ITCH: variants seen among roughly 807,000 people sequenced by gnomAD.
ITCH encodes itchy E3 ubiquitin protein ligase, also known as E3 ubiquitin-protein ligase Itchy homolog.
In ITCH, 28 loss-of-function variants were observed where a neutral mutation model predicts 126.8. The ratio of observed to expected loss-of-function variants is 0.22; its 90% CI spans 0.16 to 0.30. The LOEUF is 0.30. Among genes scored for constraint, ITCH ranks in the 10% least tolerant of loss-of-function variants. ITCH has a pLI of 1.00. For missense variants in ITCH, 631 were observed against 1,032.4 expected (o/e 0.61, Z 5.33); for synonymous variants, 342 against 340.0 (o/e 1.01, Z -0.06).
chr20:34,404,509 T>G (rs907452615), intron 3 of ITCH, among the ~76,000 whole-genome samples: 9 of 147,808 alleles, frequency 6.1e-5, no homozygotes, highest in Non-Finnish European at 1.3e-4. Flanking sequence ...AACCTCTGCC[T>G]CCCGGGTTGC....
At chr20:34,475,756 A>G (rs191562379) in intron 16 of ITCH, among the ~76,000 whole-genome samples, 12 of 152,154 alleles carry the variant, frequency 7.9e-5, no homozygotes, top group African/African-American at 2.7e-4. Context: ...GCAGAGGCAG[A>G]GCTGCATACT....
intron 14 of ITCH, 114 bp downstream of exon 14, chr20:34,462,335 C>T (rs1403860426): frequency 7.4e-6 from 8 of 1,075,624 alleles, no homozygotes; most frequent in Non-Finnish European, 1.1e-5. Context: ...GTTAGCTTGA[C>T]AATAGGTTTC....
At chr20:34,496,333 G>A (rs989520964) in intron 23 of ITCH, among the ~76,000 whole-genome samples, 4 of 152,006 alleles carry the variant, frequency 2.6e-5, no homozygotes, top group Admixed American at 1.3e-4. Context: ...TTGAGTTCTT[G>A]TATATTCTGG....
chr20:34,487,327 C>T (rs899112721), intron 20 of ITCH, among the ~76,000 whole-genome samples: 2 of 152,044 alleles, frequency 1.3e-5, no homozygotes, highest in Admixed American at 6.6e-5. Flanking sequence ...TTATTTTTAT[C>T]CTGATAATCT....
chr20:34,379,756 G>A (rs370473850), intron 2 of ITCH, among the ~76,000 whole-genome samples: 11 of 150,264 alleles, frequency 7.3e-5, no homozygotes, highest in African/African-American at 2.5e-4. Context: ...CACCACTCCC[G>A]GCTAATTTCT....
In ITCH at chr20:34,433,159, A is replaced by G. The variant is rs193255564; in HGVS notation, c.522-5315A>G. 7.7e-3 allele frequency among the ~76,000 whole-genome samples: 1,168 copies of G among 152,056 alleles called. 12 individuals are homozygous for G. Among genetic ancestry groups the G allele is most frequent in the Non-Finnish European group, 0.013 (888 of 67,944 alleles). ...ACAAAAATTGGCCGGGCATGGTGGC[A>G]GGTGCCTGTATTCCCAGCTACTTGG... is the stretch of plus-strand genomic sequence containing the variant. On this transcript the variant is annotated intron_variant, in intron 7 of 24. Transcript: ENST00000374864.
At position 34,480,653 on chromosome 20, in the gene ITCH, C is replaced by G. The variant is rs770844266; in HGVS notation, c.1873C>G (p.Arg625Gly). The part of the protein sequence containing the change: ...DTGFSLPFYK[R>G]ILNKPVGLKD... ...GGGTTTTTCTTTACCATTCTATAAG[C>G]GTATCTTGAACAAACCAGTTGGACT... The change falls in exon 19 of 25, where the codon CGT becomes GGT. Residue 625 changes from arginine to glycine, a missense_variant. Transcript: ENST00000374864. 1 of 1,612,810 alleles carries G rather than the reference C, an allele frequency of 6.2e-7. No individual in the cohort carries two copies. Among genetic ancestry groups the G allele is most frequent in the Non-Finnish European group, 8.5e-7 (1 of 1,178,916 alleles).
chr20:34,410,329 C>T lies in ITCH; in HGVS notation c.212+1537C>T, dbSNP rs555271083. 2.2e-4 allele frequency among the ~76,000 whole-genome samples: 33 copies of T among 150,646 alleles called. No individual in the cohort carries two copies. The South Asian group carries it at 2.9e-3, about 13-fold the overall frequency. On this transcript the variant is annotated intron_variant, in intron 4 of 24. Transcript: ENST00000374864. ...GTTGCAGGTTGCAGTGAACTGAGATCGTGCCATTGCGTTCCAGCCAGGGTG... is the reference window on the plus strand; with the variant it reads ...GTTGCAGGTTGCAGTGAACTGAGATTGTGCCATTGCGTTCCAGCCAGGGTG...
chr20:34,395,428 A>G (rs1018606221), intron 3 of ITCH, among the ~76,000 whole-genome samples: 2 of 152,150 alleles, frequency 1.3e-5, no homozygotes, highest in Non-Finnish European at 2.9e-5. Flanking sequence ...GGGGAGCTGC[A>G]GGGGTCAGAG....
chr20:34,480,025 A>G lies in ITCH; in HGVS notation c.1818+236A>G, dbSNP rs188431383. Among the ~76,000 whole-genome samples, 50 of 152,104 alleles carry G rather than the reference A, an allele frequency of 3.3e-4. No individual in the cohort carries two copies. The East Asian group carries it at 8.5e-3, about 26-fold the overall frequency. On this transcript the variant is annotated intron_variant, in intron 18 of 24. Transcript: ENST00000374864. The stretch of plus-strand genomic sequence containing the variant: ...TCAGTTCTCCCGCCTCAGCCTCCCA[A>G]GTAGCTAGGATTACAGGTGTGCGCC...
intron 12 of ITCH, among the ~76,000 whole-genome samples, chr20:34,452,069 CAAAAAA>C (rs765697780): frequency 1.7e-4 from 9 of 53,316 alleles, no homozygotes; most frequent in East Asian, 5.6e-4. Flanking sequence ...GACCCTGTCT[CAAAAAA>C]AAAAAAAAAA....
At chr20:34,374,526 A>AC (rs1454788020) in intron 2 of ITCH, among the ~76,000 whole-genome samples, 1 of 152,272 alleles carries the variant, frequency 6.6e-6, no homozygotes, top group African/African-American at 2.4e-5. Context: ...TATCATCATT[A>AC]CCATCAACCT....
intron 2 of ITCH, among the ~76,000 whole-genome samples, chr20:34,369,767 C>G (rs1218317060): frequency 1.3e-5 from 2 of 152,064 alleles, no homozygotes; most frequent in Non-Finnish European, 2.9e-5. Flanking sequence ...TGTATACTAT[C>G]TAGACATGTG....
chr20:34,483,553 G>T (rs1056046216), intron 20 of ITCH, among the ~76,000 whole-genome samples: 2 of 152,158 alleles, frequency 1.3e-5, no homozygotes, highest in Non-Finnish European at 2.9e-5. Flanking sequence ...CACCTTTGCT[G>T]CATTTCCCAA....
At chr20:34,429,088 C>A (rs374963842) in intron 7 of ITCH, among the ~76,000 whole-genome samples, 18 of 152,134 alleles carry the variant, frequency 1.2e-4, no homozygotes, top group African/African-American at 4.3e-4. Flanking sequence ...TAGGCATGCA[C>A]CACCACGCCC....
At chr20:34,455,139 A>G (rs1397950944) in intron 12 of ITCH, among the ~76,000 whole-genome samples, 2 of 152,170 alleles carry the variant, frequency 1.3e-5, no homozygotes, top group Non-Finnish European at 2.9e-5. Context: ...CCAATAGTTA[A>G]CCAATTTTTC....
At chr20:34,483,110 C>T (rs1988872837) in intron 20 of ITCH, among the ~76,000 whole-genome samples, 1 of 149,802 alleles carries the variant, frequency 6.7e-6, no homozygotes, top group African/African-American at 2.5e-5. Flanking sequence ...GGACCCTGGG[C>T]CCGGCCCATG....
chr20:34,497,977 G>A (rs1345586676), intron 23 of ITCH, among the ~76,000 whole-genome samples: 1 of 152,202 alleles, frequency 6.6e-6, no homozygotes, highest in South Asian at 2.1e-4. Flanking sequence ...AACATGGGAT[G>A]TCTTTACATT....
chr20:34,480,969 A>C, intron 19 of ITCH, 97 bp from the exon 20 acceptor site: 2 of 1,241,020 alleles, frequency 1.6e-6, no homozygotes, highest in Non-Finnish European at 2.3e-6. Flanking sequence ...TTATAGCTTA[A>C]TATTAATTAT....
Sources: gnomAD v4.1 joint callset for allele counts (sites outside exome capture counted in the v4.1 genomes callset) on GRCh38, gnomAD v4.1.1 for gene constraint, MANE v1.5 for transcripts, NCBI Gene and HGNC (gene_info 2026-07-23, HGNC 2026-07-21) for gene names.